The following TRPC5 variants were observed in gnomAD, a reference collection of about 807,000 sequenced individuals.
The protein encoded by TRPC5 is transient receptor potential cation channel subfamily C member 5.
In TRPC5, 9 loss-of-function variants were observed where a neutral mutation model predicts 56.5. That is an observed-to-expected ratio of 0.16 (90% CI 0.10 to 0.28). The LOEUF (loss-of-function observed/expected upper bound fraction) is 0.28, where lower values mean the gene tolerates loss of function less well. Among genes scored for constraint, TRPC5 ranks in the 10% least tolerant of loss-of-function variants. The pLI is 1.00. For missense variants in TRPC5, 469 were observed against 748.9 expected (o/e 0.63, Z 4.36); for synonymous variants, 282 against 278.5 (o/e 1.01, Z -0.13).
intron 1 of TRPC5, among the ~76,000 whole-genome samples, chrX:112,023,881 A>G (rs942093822): frequency 3.6e-5 from 4 of 111,655 alleles, no homozygotes; most frequent in African/African-American, 1.3e-4. Context: ...GCATGGTGAG[A>G]TCAGCCCAAA....
At chrX:111,958,238 C>T (rs141161834) in intron 1 of TRPC5, among the ~76,000 whole-genome samples, 96 of 111,962 alleles carry the variant, frequency 8.6e-4, no homozygotes, top group African/African-American at 2.8e-3. Flanking sequence ...CTTTCAAGAC[C>T]ACGCTTTCAA....
chrX:111,861,776 T>C (rs1001732060), intron 3 of TRPC5, among the ~76,000 whole-genome samples: 5 of 111,721 alleles, frequency 4.5e-5, no homozygotes, highest in Non-Finnish European at 9.4e-5. Flanking sequence ...CAAAGTTTAG[T>C]TGAGCAATAC....
intron 1 of TRPC5, among the ~76,000 whole-genome samples, chrX:112,023,325 T>G (rs915895126): frequency 9.6e-6 from 1 of 104,196 alleles, no homozygotes; most frequent in African/African-American, 3.5e-5. Context: ...CCTTTCTTTT[T>G]GGCCTTCTTT....
At chrX:112,002,401 G>A (rs1928719897) in intron 1 of TRPC5, among the ~76,000 whole-genome samples, 2 of 111,541 alleles carry the variant, frequency 1.8e-5, no homozygotes. Flanking sequence ...TGATCCTCCA[G>A]ACTCAGTCTC....
chrX:112,031,282 A>G (rs1929578949), intron 1 of TRPC5, among the ~76,000 whole-genome samples: 1 of 112,074 alleles, frequency 8.9e-6, no homozygotes, highest in Non-Finnish European at 1.9e-5. Flanking sequence ...ACATGGAATT[A>G]AAGGATTATT....
Position 112,082,511 on chromosome X carries a change from C to T in TRPC5, c.-654G>A, listed in dbSNP as rs939772713. The T allele has an allele frequency of 9.0e-6, 1 of 110,966 alleles. No individual in the cohort carries two copies. Among genetic ancestry groups the T allele is most frequent in the Non-Finnish European group, 1.9e-5 (1 of 52,947 alleles). The allele number at this position is 110,966 out of a possible 1,213,427, so 9.1% of individuals were successfully genotyped here. A position where few individuals can be genotyped will look rare whatever the true frequency, so the allele number is the denominator to read the frequency against. ...GCTACCCCTCCAAAACCCTTTTCTACACTAGAGGTTTCTGTCCCCTTCTGC... is the reference window on the plus strand; with the variant it reads ...GCTACCCCTCCAAAACCCTTTTCTATACTAGAGGTTTCTGTCCCCTTCTGC... On this transcript the variant is annotated 5_prime_UTR_variant, in exon 1 of 11. Coordinates refer to ENST00000262839, the MANE Select transcript of TRPC5 (RefSeq NM_012471.3).
chrX:112,042,474 A>G (rs937274171), intron 1 of TRPC5, among the ~76,000 whole-genome samples: 5 of 111,415 alleles, frequency 4.5e-5, no homozygotes, highest in African/African-American at 6.5e-5. Flanking sequence ...TTGTAAAGGT[A>G]CTATCACTCT....
chrX:111,971,639 T>C (rs143457891), intron 1 of TRPC5, among the ~76,000 whole-genome samples: 2 of 111,800 alleles, frequency 1.8e-5, no homozygotes, highest in African/African-American at 3.3e-5. Flanking sequence ...TTTCCTCTAA[T>C]AGAAACTCTG....
intron 7 of TRPC5, among the ~76,000 whole-genome samples, chrX:111,809,423 T>C (rs1921626971): frequency 9.0e-6 from 1 of 111,322 alleles, no homozygotes; most frequent in African/African-American, 3.3e-5. Context: ...CTGCCCAGTG[T>C]TGCTTCTGCT....
chrX:112,068,423 T>C (rs1407242544), intron 1 of TRPC5, among the ~76,000 whole-genome samples: 1 of 112,590 alleles, frequency 8.9e-6, no homozygotes, highest in East Asian at 2.8e-4. Flanking sequence ...GGACAAAGCT[T>C]GAATGATAGG....
intron 5 of TRPC5, among the ~76,000 whole-genome samples, chrX:111,852,065 G>T (rs1428037889): frequency 1.8e-5 from 2 of 112,031 alleles, no homozygotes; most frequent in African/African-American, 6.5e-5. Context: ...CTTTTACCCT[G>T]AAAGTCTCAG....
chrX:111,940,649 C>A (rs1008489969), intron 2 of TRPC5, among the ~76,000 whole-genome samples: 3 of 103,250 alleles, frequency 2.9e-5, no homozygotes, highest in Non-Finnish European at 5.9e-5. Context: ...AGAGATCATA[C>A]CACTGCACTC....
chrX:112,037,721 TA>T (rs1218258353), intron 1 of TRPC5, among the ~76,000 whole-genome samples: 3 of 111,404 alleles, frequency 2.7e-5, no homozygotes, highest in Non-Finnish European at 5.7e-5. Flanking sequence ...TGCATTTTTT[TA>T]AAAAAAAGTT....
At chrX:111,795,946 T>C (rs1921074120) in intron 7 of TRPC5, among the ~76,000 whole-genome samples, 1 of 109,680 alleles carries the variant, frequency 9.1e-6, no homozygotes, top group East Asian at 2.9e-4. Context: ...TGATCCATTA[T>C]GTATATGTTG....
In TRPC5 at chrX:111,901,874, C is replaced by T. The variant is rs185716085; in HGVS notation, c.900+10417G>A. On this transcript the variant is annotated intron_variant, in intron 3 of 10. Transcript: ENST00000262839. ...CATGGATTCTGTGTTAATTCATGTA[C>T]TCATTGATGGACTTGTTGCTTGTGT... 1.5e-4 allele frequency: 176 copies of T among 1,144,859 alleles called. No individual in the cohort carries two copies. In the African/African-American group the frequency reaches 2.9e-3, roughly 19 times the overall value. 94.3% of individuals were successfully genotyped at this position (1,144,859 alleles called of 1,213,427 possible).
At chrX:111,899,884 A>C (rs1925253160) in intron 3 of TRPC5, among the ~76,000 whole-genome samples, 1 of 111,495 alleles carries the variant, frequency 9.0e-6, no homozygotes, top group Non-Finnish European at 1.9e-5. Flanking sequence ...CTCTGCCTCT[A>C]GTACCCGTTC....
chrX:111,944,311 AGAG>A (rs2148634808), intron 2 of TRPC5, among the ~76,000 whole-genome samples: 3 of 86,953 alleles, frequency 3.5e-5, no homozygotes, highest in African/African-American at 1.7e-4. Flanking sequence ...TGTGAGAGAG[AGAG>A]AGAGAGAGAG....
chrX:112,032,273 AG>A lies in TRPC5; in HGVS notation c.-22+49605del, dbSNP rs1435544412. Among the ~76,000 whole-genome samples, 8 of 110,728 alleles carry A rather than the reference AG, an allele frequency of 7.2e-5. No homozygotes were observed. In the Admixed American group the frequency reaches 7.7e-4, roughly 11 times the overall value. On this transcript the variant is annotated intron_variant, in intron 1 of 10. Coordinates refer to ENST00000262839, the MANE Select transcript of TRPC5 (RefSeq NM_012471.3). The stretch of plus-strand genomic sequence containing the variant: ...AAATGTTGGCAAGGGTGTGGAGAAA[AG>A]GGAACTGTTACACACTGCTGGTGAG...
chrX:111,882,821 C>T (rs1178230397), intron 3 of TRPC5, among the ~76,000 whole-genome samples: 2 of 112,326 alleles, frequency 1.8e-5, no homozygotes, highest in African/African-American at 6.5e-5. Flanking sequence ...CGCTGTGGCT[C>T]ATGCCTGTAA....
Sources: gnomAD v4.1 joint callset for allele counts (sites outside exome capture counted in the v4.1 genomes callset) on GRCh38, gnomAD v4.1.1 for gene constraint, MANE v1.5 for transcripts, NCBI Gene and HGNC (gene_info 2026-07-23, HGNC 2026-07-21) for gene names.